The following NINL variants were observed in gnomAD, a reference collection of about 807,000 sequenced individuals.
The protein encoded by NINL is ninein like.
Under a neutral mutation model 160.3 loss-of-function variants are expected in NINL, and 153 were observed. That is an observed-to-expected ratio of 0.95 (90% CI 0.84 to 1.09). NINL has a LOEUF of 1.09. Ranked by LOEUF, NINL falls within the 50% of genes least tolerant of loss-of-function variation. The pLI is 0.00. For synonymous variants in NINL, 800 were observed against 734.8 expected (o/e 1.09, Z -1.43); for missense variants, 1,829 against 1,764.0 (o/e 1.04, Z -0.66).
rs1215398532 is a variant in NINL at position 25,552,613 on chromosome 20, G to C, written c.-11-26015C>G. Among the ~76,000 whole-genome samples, 4 of 152,174 alleles carry C rather than the reference G, an allele frequency of 2.6e-5. No homozygotes were observed. In the East Asian group the frequency reaches 7.7e-4, roughly 29 times the overall value. On this transcript the variant is annotated intron_variant, in intron 1 of 23. Coordinates refer to ENST00000278886, the MANE Select transcript of NINL (RefSeq NM_025176.6). Reference sequence around the variant, plus strand: ...CGCCCTTCTGTCTAAATCACGGAGGGGCCACAAGCCTCCAGCATTTGGTCA... The same window carrying C: ...CGCCCTTCTGTCTAAATCACGGAGGCGCCACAAGCCTCCAGCATTTGGTCA...
chr20:25,484,117 G>A (rs1270785650), intron 13 of NINL, among the ~76,000 whole-genome samples: 1 of 152,182 alleles, frequency 6.6e-6, no homozygotes, highest in Admixed American at 6.5e-5. Context: ...GGCACATCAT[G>A]CAATATACCC....
intron 17 of NINL, among the ~76,000 whole-genome samples, chr20:25,470,548 T>C (rs1449182207): frequency 1.3e-5 from 2 of 152,180 alleles, no homozygotes; most frequent in East Asian, 1.9e-4. Flanking sequence ...AAACCTCTGC[T>C]AGGTGAATCT....
At chr20:25,551,739 G>A (rs1464664109) in intron 1 of NINL, among the ~76,000 whole-genome samples, 1 of 152,196 alleles carries the variant, frequency 6.6e-6, no homozygotes, top group Non-Finnish European at 1.5e-5. Flanking sequence ...TGAAAACAGG[G>A]AATGGAGGAG....
At chr20:25,496,230 C>T (rs545215640) in intron 10 of NINL, among the ~76,000 whole-genome samples, 118 of 152,342 alleles carry the variant, frequency 7.7e-4, no homozygotes, top group Admixed American at 3.3e-3. Context: ...GTCCCCGCAT[C>T]GGGGTCACTA....
At chr20:25,455,924 C>A (rs2090662352) in intron 22 of NINL, 138 bp from the exon 23 acceptor site, 1 of 664,194 alleles carries the variant, frequency 1.5e-6, no homozygotes, top group African/African-American at 1.8e-5. Context: ...GAAACCCCAT[C>A]TCTACTAAAA....
intron 1 of NINL, among the ~76,000 whole-genome samples, chr20:25,558,766 G>A (rs1245471917): frequency 6.6e-6 from 1 of 152,232 alleles, no homozygotes; most frequent in African/African-American, 2.4e-5. Flanking sequence ...TAGGCCAAGA[G>A]CAAGTAGGCA....
Position 25,491,388 on chromosome 20 carries a change from T to C in NINL, c.1448A>G (p.Glu483Gly), listed in dbSNP as rs552001712. 5.6e-6 allele frequency: 9 copies of C among 1,611,782 alleles called. No individual in the cohort carries two copies. Among genetic ancestry groups the C allele is most frequent in the African/African-American group, 5.3e-5 (4 of 75,036 alleles). ...EWDVGRLQAE[E>G]AGLREKLTLA... ...GGTCAGCTTCTCGCGGAGGCCAGCCTCCTCAGCCTGCAGGCGCCCCACGTC... is the reference window on the plus strand; with the variant it reads ...GGTCAGCTTCTCGCGGAGGCCAGCCCCCTCAGCCTGCAGGCGCCCCACGTC... The change falls in exon 11 of 24, where the codon GAG (glutamate) becomes GGG (glycine). Residue 483 changes from glutamate (E) to glycine (G), a missense_variant. Coordinates refer to ENST00000278886, the MANE Select transcript of NINL (RefSeq NM_025176.6).
chr20:25,513,159 C>A (rs370034910), intron 3 of NINL, among the ~76,000 whole-genome samples, 153 bp from the exon 4 acceptor site: 1 of 152,116 alleles, frequency 6.6e-6, no homozygotes, highest in Non-Finnish European at 1.5e-5. Context: ...TGGAAAGACA[C>A]GAGAAACAGT....
At chr20:25,486,769 C>T (rs779905359) in intron 13 of NINL, among the ~76,000 whole-genome samples, 4 of 152,042 alleles carry the variant, frequency 2.6e-5, no homozygotes, top group Admixed American at 6.6e-5. Context: ...AAGCAACGTG[C>T]GGCAGGGACA....
At chr20:25,456,069 C>G (rs979609274) in intron 22 of NINL, among the ~76,000 whole-genome samples, 5 of 150,140 alleles carry the variant, frequency 3.3e-5, no homozygotes, top group African/African-American at 1.2e-4. Context: ...CAGAGCAAGA[C>G]TCAGTCTCAA....
At chr20:25,583,443 A>G (rs1437525194) in intron 1 of NINL, among the ~76,000 whole-genome samples, 1 of 152,260 alleles carries the variant, frequency 6.6e-6, no homozygotes, top group African/African-American at 2.4e-5. Context: ...CACATCAGTT[A>G]GAATGGTAAT....
rs1239698227 is a variant in NINL at position 25,553,204 on chromosome 20, G to A, written c.-11-26606C>T. 4.8e-5 allele frequency among the ~76,000 whole-genome samples: 7 copies of A among 144,936 alleles called. 1 individual carries two copies. The highest frequency in any genetic ancestry group is 7.7e-5 in the African/African-American group (3 of 39,164). On this transcript the variant is annotated intron_variant, in intron 1 of 23. Coordinates refer to ENST00000278886, the MANE Select transcript of NINL (RefSeq NM_025176.6). ...AATGCAGCCTCACATTCCTGGGCTC[G>A]TGATCCTCCCACCTCAGCTGCCCAA...
At chr20:25,557,074 T>C (rs1274100660) in intron 1 of NINL, among the ~76,000 whole-genome samples, 1 of 152,196 alleles carries the variant, frequency 6.6e-6, no homozygotes, top group Admixed American at 6.5e-5. Context: ...ACTCTGCATG[T>C]ATTTTATTTT....
chr20:25,540,251 T>C (rs1344069278), intron 1 of NINL, among the ~76,000 whole-genome samples: 1 of 152,196 alleles, frequency 6.6e-6, no homozygotes, highest in Non-Finnish European at 1.5e-5. Flanking sequence ...ATAATCCTAA[T>C]GCTATAAAGC....
chr20:25,481,779 C>T (rs754892237), intron 14 of NINL, 189 bp downstream of exon 14: 24 of 809,048 alleles, frequency 3.0e-5, no homozygotes, highest in Non-Finnish European at 3.6e-5. Flanking sequence ...TGCAGGTGAC[C>T]TTCCGTGTTG....
intron 2 of NINL, among the ~76,000 whole-genome samples, chr20:25,519,838 G>GA (rs1467003603): frequency 6.6e-5 from 10 of 151,168 alleles, no homozygotes; most frequent in Middle Eastern, 3.4e-3. Context: ...GCAACATGGT[G>GA]AAAAAAAATA....
chr20:25,543,448 G>A (rs2064694027), intron 1 of NINL, among the ~76,000 whole-genome samples: 1 of 152,224 alleles, frequency 6.6e-6, no homozygotes, highest in Non-Finnish European at 1.5e-5. Context: ...CTACTCAGGA[G>A]ACTGAGGTAG....
rs1338292508 is a variant in NINL, at chr20:25,498,335, G to A, written c.1044C>T (p.Phe348=). The change falls in exon 9 of 24, where the codon TTC becomes TTT. Residue 348 remains phenylalanine, a synonymous_variant. Transcript: ENST00000278886. ...NGREILQSLD[F]SVDEKVNLLE... is the part of the protein sequence containing the mutation. ...GAAGGTTCACCTTCTCGTCCACGCTGAAGTCCAGGCTCTGGAAGCAGCAAG... is the reference window on the plus strand; with the variant it reads ...GAAGGTTCACCTTCTCGTCCACGCTAAAGTCCAGGCTCTGGAAGCAGCAAG... The A allele has an allele frequency of 8.1e-6, 13 of 1,612,736 alleles. No individual in the cohort carries two copies. In the Admixed American group the frequency reaches 1.8e-4, roughly 23 times the overall value.
intron 11 of NINL, among the ~76,000 whole-genome samples, chr20:25,490,826 G>T (rs1032504463): frequency 1.3e-5 from 2 of 152,104 alleles, no homozygotes; most frequent in African/African-American, 4.8e-5. Context: ...GGAGTTAGGA[G>T]AGGAGGACAC....
Sources: allele counts gnomAD v4.1 joint callset (sites outside exome capture counted in the v4.1 genomes callset), GRCh38; gene constraint gnomAD v4.1.1; transcripts MANE v1.5; gene names NCBI Gene and HGNC (gene_info 2026-07-23, HGNC 2026-07-21).